The following RBFOX1 variants were observed in gnomAD, a reference collection of about 807,000 sequenced individuals.
The protein encoded by RBFOX1 is RNA binding fox-1 homolog 1.
A neutral mutation model predicts 57.7 loss-of-function variants in RBFOX1; 8 were observed. That is an observed-to-expected ratio of 0.14 (90% CI 0.08 to 0.25). The LOEUF (loss-of-function observed/expected upper bound fraction) is 0.25. RBFOX1 is among the 10% of genes least tolerant of loss of function. The pLI is 1.00. For synonymous variants in RBFOX1, 326 were observed against 222.4 expected, an observed-to-expected ratio of 1.47 and a Z score of -4.15; for missense variants, 611 against 548.5, an observed-to-expected ratio of 1.11 and a Z score of -1.14.
intron 3 of RBFOX1, among the ~76,000 whole-genome samples, chr16:6,761,268 G>A (rs1382248154): frequency 6.6e-6 from 1 of 152,082 alleles, no homozygotes; most frequent in Non-Finnish European, 1.5e-5. Context: ...CGTCCGAAGG[G>A]CTAAGTGATT....
At chr16:6,819,803 G>A (rs1035434018) in intron 3 of RBFOX1, among the ~76,000 whole-genome samples, 2 of 149,532 alleles carry the variant, frequency 1.3e-5, no homozygotes, top group Non-Finnish European at 3.0e-5. Context: ...TGTTGATTAC[G>A]ACACTGGTAA....
At chr16:6,468,784 ATT>A (rs1174061427) in intron 2 of RBFOX1, among the ~76,000 whole-genome samples, 7 of 151,668 alleles carry the variant, frequency 4.6e-5, no homozygotes, top group African/African-American at 2.4e-5. Flanking sequence ...TTATTTTATT[ATT>A]TTTTAGTCTT....
At chr16:6,500,053 T>C (rs2095869195) in intron 2 of RBFOX1, among the ~76,000 whole-genome samples, 1 of 152,158 alleles carries the variant, frequency 6.6e-6, no homozygotes, top group South Asian at 2.1e-4. Context: ...TTTCTTCTTT[T>C]GTGAACCGGG....
intron 4 of RBFOX1, among the ~76,000 whole-genome samples, chr16:7,344,256 A>C (rs1250567897): frequency 2.0e-5 from 3 of 151,400 alleles, no homozygotes; most frequent in Non-Finnish European, 4.4e-5. Context: ...CTGAGGATCA[A>C]ATCAATTAAT....
In RBFOX1 at chr16:6,941,855, G is replaced by T. The variant is rs1004552151; in HGVS notation, c.-15-110202G>T. The stretch of plus-strand genomic sequence containing the variant: ...TTTTCCCCCTAACTCTTTCCCATCT[G>T]GAGTGCAGTAAGTGCAATCATAACT... On this transcript the variant is annotated intron_variant, in intron 3 of 15. Transcript: ENST00000550418. 4.6e-5 allele frequency among the ~76,000 whole-genome samples: 7 copies of T among 152,152 alleles called. No homozygotes were observed. In the East Asian group the frequency reaches 1.4e-3, roughly 29 times the overall value.
chr16:5,798,815 G>C (rs1457648027), intron 3 of RBFOX1, among the ~76,000 whole-genome samples: 1 of 152,122 alleles, frequency 6.6e-6, no homozygotes, highest in Non-Finnish European at 1.5e-5. Context: ...TTCCTCCCAG[G>C]TGCTTGCCTT....
At chr16:6,844,820 C>G (rs576366097) in intron 3 of RBFOX1, among the ~76,000 whole-genome samples, 13 of 152,224 alleles carry the variant, frequency 8.5e-5, no homozygotes, top group African/African-American at 2.2e-4. Context: ...AAAAATGTTG[C>G]TTTTTCTCCA....
At chr16:7,316,466 TACTC>T (rs567274601) in intron 4 of RBFOX1, among the ~76,000 whole-genome samples, 107 of 152,328 alleles carry the variant, frequency 7.0e-4, no homozygotes, top group African/African-American at 2.2e-3. Context: ...ATAATTAATT[TACTC>T]ACTCATTCAT....
chr16:6,460,200 G>T lies in RBFOX1; in HGVS notation c.-64+143143G>T, dbSNP rs867665708. On this transcript the variant is annotated intron_variant, in intron 2 of 15. Transcript: ENST00000550418. ...CAAGATTAAGGTGTCAGCAGGATTGGTTCCATTGGTTCTCTCTCCTTGGCT... is the reference window on the plus strand; with the variant it reads ...CAAGATTAAGGTGTCAGCAGGATTGTTTCCATTGGTTCTCTCTCCTTGGCT... 4.0e-5 allele frequency among the ~76,000 whole-genome samples: 6 copies of T among 151,886 alleles called. No individual in the cohort carries two copies. In the East Asian group the frequency reaches 1.2e-3, roughly 29 times the overall value.
intron 3 of RBFOX1, among the ~76,000 whole-genome samples, chr16:5,690,327 C>T (rs1404660711): frequency 6.6e-6 from 1 of 152,190 alleles, no homozygotes; most frequent in Admixed American, 6.5e-5. Context: ...GAATACTCCT[C>T]AATGTAGAAC....
At chr16:6,563,563 G>A (rs1477749495) in intron 2 of RBFOX1, among the ~76,000 whole-genome samples, 6 of 152,172 alleles carry the variant, frequency 3.9e-5, no homozygotes, top group African/African-American at 1.4e-4. Flanking sequence ...TAAAAAGATG[G>A]CTGGGTGTGG....
intron 3 of RBFOX1, among the ~76,000 whole-genome samples, chr16:5,831,075 G>A (rs146836420): frequency 6.5e-4 from 99 of 152,254 alleles, no homozygotes; most frequent in East Asian, 4.0e-3. Flanking sequence ...ACAGGGATAC[G>A]AGCATCTTTA....
chr16:7,329,225 G>A (rs35153890), intron 4 of RBFOX1, among the ~76,000 whole-genome samples: 6,520 of 152,214 alleles, frequency 0.043, 166 homozygotes, highest in South Asian at 0.076. Flanking sequence ...GGCAATACAC[G>A]GCTCTTTATT....
intron 4 of RBFOX1, among the ~76,000 whole-genome samples, chr16:7,325,936 C>T (rs2096605660): frequency 6.6e-6 from 1 of 152,164 alleles, no homozygotes; most frequent in Admixed American, 6.6e-5. Context: ...GCATGTCTGG[C>T]AGTGAGTGTC....
At chr16:6,681,179 G>A (rs1471849339) in intron 3 of RBFOX1, among the ~76,000 whole-genome samples, 1 of 152,114 alleles carries the variant, frequency 6.6e-6, no homozygotes, top group Non-Finnish European at 1.5e-5. Flanking sequence ...AGGCATGATG[G>A]CACGTGCCTG....
intron 1 of RBFOX1, among the ~76,000 whole-genome samples, chr16:6,267,440 C>T (rs1210105331): frequency 6.6e-6 from 1 of 152,138 alleles, no homozygotes; most frequent in East Asian, 1.9e-4. Context: ...CCCTTGGCTT[C>T]TTATCTCTTT....
chr16:5,762,423 G>T (rs949294879), intron 3 of RBFOX1, among the ~76,000 whole-genome samples: 2 of 151,350 alleles, frequency 1.3e-5, no homozygotes, highest in Non-Finnish European at 2.9e-5. Context: ...GAGTCAGACA[G>T]TCTCATACCA....
intron 4 of RBFOX1, among the ~76,000 whole-genome samples, chr16:7,402,924 G>A (rs892887599): frequency 6.6e-6 from 1 of 152,148 alleles, no homozygotes; most frequent in South Asian, 2.1e-4. Context: ...ATGTAGGAAG[G>A]CTTGGAGGCA....
At chr16:7,015,174 G>T (rs2093846702) in intron 3 of RBFOX1, among the ~76,000 whole-genome samples, 1 of 152,126 alleles carries the variant, frequency 6.6e-6, no homozygotes, top group Non-Finnish European at 1.5e-5. Flanking sequence ...CAGTAGTCTG[G>T]ATTTGTTGTG....
Sources: gnomAD v4.1 joint callset for allele counts (sites outside exome capture counted in the v4.1 genomes callset) on GRCh38, gnomAD v4.1.1 for gene constraint, MANE v1.5 for transcripts, NCBI Gene and HGNC (gene_info 2026-07-23, HGNC 2026-07-21) for gene names.